The following GABRA1 variants were observed in gnomAD, a reference collection of about 807,000 sequenced individuals.
The protein encoded by GABRA1 is gamma-aminobutyric acid receptor subunit alpha-1.
GABRA1 carries 9 observed loss-of-function variants against 48.9 expected under a neutral mutation model. The observed-to-expected ratio is 0.18, with a 90% CI of 0.11 to 0.32. GABRA1 has a LOEUF of 0.32. GABRA1 is among the 10% of genes least tolerant of loss of function. The pLI is 1.00. For synonymous variants in GABRA1, 210 were observed against 198.7 expected, an observed-to-expected ratio of 1.06 and a Z score of -0.48; for missense variants, 285 against 553.8, an observed-to-expected ratio of 0.51 and a Z score of 4.87.
At chr5:161,882,838 T>A (rs1754675242) in intron 7 of GABRA1, 137 bp downstream of exon 7, 9 of 838,612 alleles carry the variant, frequency 1.1e-5, no homozygotes, top group Non-Finnish European at 1.6e-5. Flanking sequence ...AGCTGGGAAC[T>A]AATGTAAACT....
intron 3 of GABRA1, among the ~76,000 whole-genome samples, chr5:161,861,427 A>AT (rs1348815936): frequency 6.6e-6 from 1 of 151,918 alleles, no homozygotes; most frequent in Non-Finnish European, 1.5e-5. Context: ...ATTACAGCAT[A>AT]TGGAGGTAAT....
intron 2 of GABRA1, among the ~76,000 whole-genome samples, chr5:161,852,242 C>T (rs1015217632): frequency 3.3e-5 from 5 of 151,732 alleles, no homozygotes; most frequent in African/African-American, 1.2e-4. Flanking sequence ...ATTTGTAAGA[C>T]AAAACCAGGA....
intron 3 of GABRA1, among the ~76,000 whole-genome samples, chr5:161,855,021 TAA>T (rs1757594185): frequency 6.6e-6 from 1 of 151,252 alleles, no homozygotes; most frequent in Non-Finnish European, 1.5e-5. Context: ...GATCTCAGAG[TAA>T]AACAAGTGAA....
At chr5:161,878,381 T>A (rs2113398809) in intron 6 of GABRA1, among the ~76,000 whole-genome samples, 1 of 152,328 alleles carries the variant, frequency 6.6e-6, no homozygotes, top group Admixed American at 6.5e-5. Flanking sequence ...CCTGGCCTAC[T>A]TAGCATATTT....
At chr5:161,894,453 A>G (rs1755268754) in intron 8 of GABRA1, among the ~76,000 whole-genome samples, 2 of 152,132 alleles carry the variant, frequency 1.3e-5, no homozygotes, top group African/African-American at 4.8e-5. Flanking sequence ...CTTCTCCTAG[A>G]ATTTCAACAA....
intron 9 of GABRA1, among the ~76,000 whole-genome samples, chr5:161,896,638 T>C (rs1755381471): frequency 6.6e-6 from 1 of 152,218 alleles, no homozygotes; most frequent in Admixed American, 6.5e-5. Flanking sequence ...AGAAATAATC[T>C]AGAAGGAGTC....
chr5:161,878,154 G>T (rs553465688), intron 6 of GABRA1, among the ~76,000 whole-genome samples: 3 of 152,272 alleles, frequency 2.0e-5, no homozygotes, highest in Non-Finnish European at 2.9e-5. Context: ...ATGGATAAAG[G>T]TTACAAGACT....
intron 3 of GABRA1, among the ~76,000 whole-genome samples, chr5:161,859,316 A>T (rs948820169): frequency 1.3e-5 from 2 of 151,656 alleles, no homozygotes; most frequent in Admixed American, 1.3e-4. Flanking sequence ...TTTAAGACTA[A>T]CCTTTAGCCT....
chr5:161,880,780 G>C lies in GABRA1; in HGVS notation c.560-1778G>C, dbSNP rs144972909. Among the ~76,000 whole-genome samples, 1,390 of 152,218 alleles carry C rather than the reference G, an allele frequency of 9.1e-3. 27 individuals carry two copies. Among genetic ancestry groups the C allele is most frequent in the African/African-American group, 0.031 (1,302 of 41,526 alleles). On this transcript the variant is annotated intron_variant, in intron 6 of 9. Transcript: ENST00000393943. ...GAAGCTTTGTTTTAGGGACTGAAAG[G>C]CATGGCTCACATCTTTTTTCAGACA...
At chr5:161,877,173 G>A (rs1466259398) in intron 6 of GABRA1, among the ~76,000 whole-genome samples, 1 of 152,102 alleles carries the variant, frequency 6.6e-6, no homozygotes, top group Admixed American at 6.6e-5. Context: ...TCACACTCCT[G>A]GTCTCAAGTA....
At chr5:161,853,616 T>A (rs1757534717) in intron 2 of GABRA1, 1 of 151,928 alleles carries the variant, frequency 6.6e-6, no homozygotes, top group Admixed American at 6.6e-5. Context: ...TGCACACTGA[T>A]GTAAAAATAT....
At chr5:161,891,336 A>G (rs1755079588) in intron 8 of GABRA1, among the ~76,000 whole-genome samples, 1 of 152,110 alleles carries the variant, frequency 6.6e-6, no homozygotes, top group Non-Finnish European at 1.5e-5. Context: ...AATATTAAAA[A>G]CTCATAAATA....
intron 2 of GABRA1, 41 bp from the exon 3 acceptor site, chr5:161,854,117 T>G: frequency 1.0e-6 from 1 of 988,428 alleles, no homozygotes; most frequent in Non-Finnish European, 1.6e-6. Flanking sequence ...TTAGTAGAAA[T>G]GTATAATTTA....
chr5:161,898,608 G>C lies in GABRA1; in HGVS notation c.*1186G>C, dbSNP rs1342908864. ...CATGGAACTTAAAACATATGGGTGT[G>C]AAGTCCACTTATGTAGACAAAACTT... On this transcript the variant is annotated 3_prime_UTR_variant, in exon 10 of 10. Transcript: ENST00000393943. 1 of 152,256 alleles carries C rather than the reference G, an allele frequency of 6.6e-6. No individual in the cohort carries two copies. The highest frequency in any genetic ancestry group is 1.5e-5 in the Non-Finnish European group (1 of 67,992). The allele number at this position is 152,256 out of a possible 1,614,324, so 9.4% of individuals were successfully genotyped here.
intron 8 of GABRA1, among the ~76,000 whole-genome samples, chr5:161,892,089 CA>C (rs1755116293): frequency 6.6e-6 from 1 of 152,162 alleles, no homozygotes; most frequent in Admixed American, 6.6e-5. Flanking sequence ...CGCCTAATGA[CA>C]ATGCTGTATC....
At chr5:161,861,559 G>A (rs966487831) in intron 3 of GABRA1, among the ~76,000 whole-genome samples, 1 of 151,612 alleles carries the variant, frequency 6.6e-6, no homozygotes, top group Non-Finnish European at 1.5e-5. Context: ...CTGGTCAAAC[G>A]CCTTGAAACT....
At chr5:161,886,178 G>GGTT (rs1391691238) in intron 7 of GABRA1, among the ~76,000 whole-genome samples, 1 of 151,926 alleles carries the variant, frequency 6.6e-6, no homozygotes, top group Non-Finnish European at 1.5e-5. Context: ...CAACCTGCAG[G>GGTT]GTATGTACTC....
chr5:161,855,911 G>A (rs986965296), intron 3 of GABRA1, among the ~76,000 whole-genome samples: 131 of 151,308 alleles, frequency 8.7e-4, no homozygotes, highest in Admixed American at 4.0e-3. Flanking sequence ...ATTTTGGCAT[G>A]TAAATATGAG....
chr5:161,857,020 A>G (rs902342556), intron 3 of GABRA1, among the ~76,000 whole-genome samples: 8 of 151,138 alleles, frequency 5.3e-5, no homozygotes, highest in African/African-American at 1.7e-4. Context: ...GTAGATCCCA[A>G]TTGCAAAACA....
Sources: gnomAD v4.1 joint callset for allele counts (sites outside exome capture counted in the v4.1 genomes callset) on GRCh38, gnomAD v4.1.1 for gene constraint, MANE v1.5 for transcripts, NCBI Gene and HGNC (gene_info 2026-07-23, HGNC 2026-07-21) for gene names.